Variants in CCDC39 observed in about 807,000 individuals in gnomAD.
The protein encoded by CCDC39 is coiled-coil domain-containing protein 39.
In CCDC39, 113 loss-of-function variants were observed where a neutral mutation model predicts 121.0. That is an observed-to-expected ratio of 0.93 (90% CI 0.80 to 1.09). The LOEUF (loss-of-function observed/expected upper bound fraction) is 1.09, where lower values mean the gene tolerates loss of function less well. CCDC39 is among the 50% of genes least tolerant of loss of function. CCDC39 has a pLI of 0.00. For synonymous variants in CCDC39, 349 were observed against 352.2 expected, an observed-to-expected ratio of 0.99 and a Z score of 0.10; for missense variants, 1,063 against 1,074.7, an observed-to-expected ratio of 0.99 and a Z score of 0.15.
At chr3:180,670,394 T>C (rs969226444) in intron 1 of CCDC39, among the ~76,000 whole-genome samples, 2 of 151,952 alleles carry the variant, frequency 1.3e-5, no homozygotes, top group African/African-American at 4.8e-5. Flanking sequence ...CTATGACTAT[T>C]TCCTAGAATC....
intron 19 of CCDC39, among the ~76,000 whole-genome samples, chr3:180,616,065 G>A (rs1054420831): frequency 1.3e-5 from 2 of 152,194 alleles, no homozygotes; most frequent in Non-Finnish European, 2.9e-5. Context: ...ACTGGAAATA[G>A]TGACACCAGC....
intron 7 of CCDC39, among the ~76,000 whole-genome samples, chr3:180,654,221 C>CAAAAAAAAAAA (rs76424115): frequency 2.2e-5 from 1 of 44,936 alleles, no homozygotes; most frequent in African/African-American, 8.0e-5. Context: ...TAGCCACACG[C>CAAAAAAAAAAA]AAAAAAAAAA....
intron 1 of CCDC39, among the ~76,000 whole-genome samples, chr3:180,678,116 G>C (rs1712285059): frequency 6.6e-6 from 1 of 152,116 alleles, no homozygotes; most frequent in East Asian, 1.9e-4. Context: ...TAATTAGTTT[G>C]TTCATCTCCA....
chr3:180,677,300 T>C (rs996272625), intron 1 of CCDC39, among the ~76,000 whole-genome samples: 4 of 142,174 alleles, frequency 2.8e-5, no homozygotes, highest in Admixed American at 7.2e-5. Flanking sequence ...AAATGAAAAG[T>C]TCAAGAAAGA....
At chr3:180,656,111 T>A (rs1347346749) in intron 6 of CCDC39, among the ~76,000 whole-genome samples, 2 of 152,190 alleles carry the variant, frequency 1.3e-5, no homozygotes, top group Non-Finnish European at 2.9e-5. Flanking sequence ...AGTTGTTTAA[T>A]CCAATTTTTA....
At chr3:180,668,331 A>C (rs73185995) in intron 1 of CCDC39, among the ~76,000 whole-genome samples, 14,127 of 152,172 alleles carry the variant, frequency 0.093, 1,118 homozygotes, top group East Asian at 0.4. Context: ...GTCGGCTCAG[A>C]TCATGCCACT....
At chr3:180,617,477 C>T (rs962817798) in intron 16 of CCDC39, 6 of 686,382 alleles carry the variant, frequency 8.7e-6, no homozygotes, top group Non-Finnish European at 1.6e-5. Context: ...TAGATGACAG[C>T]TCCATTCATG....
At chr3:180,622,081 T>C (rs570090831) in intron 14 of CCDC39, among the ~76,000 whole-genome samples, 1 of 152,240 alleles carries the variant, frequency 6.6e-6, no homozygotes, top group Admixed American at 6.5e-5. Flanking sequence ...CTTTGTGTCA[T>C]CTATAATTTC....
chr3:180,651,003 T>C (rs1718192158), intron 9 of CCDC39, among the ~76,000 whole-genome samples: 1 of 151,836 alleles, frequency 6.6e-6, no homozygotes, highest in Admixed American at 6.6e-5. Flanking sequence ...GAGACCAGCC[T>C]GGCCAACATG....
intron 1 of CCDC39, among the ~76,000 whole-genome samples, chr3:180,672,361 A>G (rs1409711022): frequency 1.3e-5 from 2 of 152,214 alleles, no homozygotes; most frequent in Non-Finnish European, 2.9e-5. Flanking sequence ...TGGGAGGCCA[A>G]GGCAGGCAGA....
chr3:180,631,629 T>C (rs758344201), intron 13 of CCDC39, 37 bp from the exon 14 acceptor site: 1 of 1,555,598 alleles, frequency 6.4e-7, no homozygotes, highest in South Asian at 1.2e-5. Context: ...ATGAATAACA[T>C]ACTTTACAAT....
At chr3:180,637,435 C>T (rs1366395556) in intron 13 of CCDC39, among the ~76,000 whole-genome samples, 2 of 152,200 alleles carry the variant, frequency 1.3e-5, no homozygotes, top group East Asian at 3.9e-4. Context: ...ATAACAGATG[C>T]TGGTGAGGTT....
At chr3:180,656,593 A>G (rs775544197) in intron 6 of CCDC39, among the ~76,000 whole-genome samples, 31 of 152,186 alleles carry the variant, frequency 2.0e-4, no homozygotes, top group Non-Finnish European at 4.1e-4. Flanking sequence ...CAGCGTTAAC[A>G]TAAGGCTGCG....
intron 14 of CCDC39, among the ~76,000 whole-genome samples, chr3:180,622,901 T>A (rs1374377356): frequency 6.6e-6 from 1 of 151,946 alleles, no homozygotes; most frequent in African/African-American, 2.4e-5. Flanking sequence ...TGTGTCCTTG[T>A]CTGGTTTTGG....
chr3:180,661,057 C>A (rs944126717), intron 3 of CCDC39, among the ~76,000 whole-genome samples: 4 of 151,866 alleles, frequency 2.6e-5, no homozygotes, highest in African/African-American at 9.7e-5. Flanking sequence ...CAAAGCCACC[C>A]CAAATATATA....
intron 1 of CCDC39, among the ~76,000 whole-genome samples, chr3:180,676,605 A>G (rs1712214046): frequency 6.6e-6 from 1 of 152,192 alleles, no homozygotes; most frequent in Admixed American, 6.5e-5. Context: ...AGGATCTAGA[A>G]CTAGAAATAC....
chr3:180,664,261 C>A (rs974367917), intron 1 of CCDC39, among the ~76,000 whole-genome samples: 3 of 152,168 alleles, frequency 2.0e-5, no homozygotes, highest in Admixed American at 1.3e-4. Context: ...CAGATGCCTT[C>A]TTGCTGTATC....
At chr3:180,654,405 C>T (rs1711536115) in intron 7 of CCDC39, among the ~76,000 whole-genome samples, 1 of 151,316 alleles carries the variant, frequency 6.6e-6, no homozygotes, top group South Asian at 2.1e-4. Flanking sequence ...GAATTTGACA[C>T]CAAAATTACA....
intron 3 of CCDC39, 119 bp downstream of exon 3, chr3:180,661,742 G>A (rs1036320192): frequency 2.6e-4 from 215 of 839,778 alleles, no homozygotes; most frequent in Non-Finnish European, 2.9e-4. Flanking sequence ...AAATACGTAA[G>A]TAAACACTAG....
Sources: gnomAD v4.1 joint callset for allele counts (sites outside exome capture counted in the v4.1 genomes callset) on GRCh38, gnomAD v4.1.1 for gene constraint, MANE v1.5 for transcripts, NCBI Gene and HGNC (gene_info 2026-07-23, HGNC 2026-07-21) for gene names.